The following KDM4C variants were observed in gnomAD, a reference collection of about 807,000 sequenced individuals.
The protein encoded by KDM4C is lysine demethylase 4C, also known as lysine-specific demethylase 4C.
Under a neutral mutation model 129.3 loss-of-function variants are expected in KDM4C, and 81 were observed. The ratio of observed to expected loss-of-function variants is 0.63; its 90% CI spans 0.52 to 0.75. The LOEUF (loss-of-function observed/expected upper bound fraction) is 0.75, where lower values mean the gene tolerates loss of function less well. KDM4C is among the 30% of genes least tolerant of loss of function. The pLI, the probability that KDM4C is intolerant of heterozygous loss-of-function variation, is 0.00. For missense variants in KDM4C, 1,457 were observed against 1,304.0 expected (o/e 1.12, Z -1.81); for synonymous variants, 573 against 456.1 (o/e 1.26, Z -3.26).
At chr9:6,991,151 T>G (rs1173595899) in intron 12 of KDM4C, among the ~76,000 whole-genome samples, 1 of 152,112 alleles carries the variant, frequency 6.6e-6, no homozygotes, top group Non-Finnish European at 1.5e-5. Flanking sequence ...TGATCACGGC[T>G]CACTGCAGCC....
intron 17 of KDM4C, among the ~76,000 whole-genome samples, chr9:7,095,912 A>G (rs1401248054): frequency 6.6e-6 from 1 of 152,236 alleles, no homozygotes; most frequent in Non-Finnish European, 1.5e-5. Flanking sequence ...CAAATAATGG[A>G]ATTTCCTTTA....
intron 8 of KDM4C, among the ~76,000 whole-genome samples, chr9:6,909,598 C>T (rs1482947778): frequency 6.6e-6 from 1 of 151,916 alleles, no homozygotes; most frequent in East Asian, 1.9e-4. Context: ...GAATACTCTC[C>T]AGTTTGTATT....
intron 2 of KDM4C, among the ~76,000 whole-genome samples, chr9:6,793,650 C>T (rs1016866286): frequency 2.6e-5 from 4 of 151,762 alleles, no homozygotes; most frequent in African/African-American, 9.7e-5. Context: ...AGTGATTCTC[C>T]TGCCTCAGCC....
chr9:7,153,032 T>C (rs1842856771), intron 19 of KDM4C, among the ~76,000 whole-genome samples: 2 of 152,216 alleles, frequency 1.3e-5, no homozygotes, highest in African/African-American at 4.8e-5. Flanking sequence ...TTTTTTCCTA[T>C]CTTTAAGAAA....
At position 6,984,457 on chromosome 9, in the gene KDM4C, C is replaced by G. The variant is rs73639444; in HGVS notation, c.1354+53C>G. ...ATATAAGTAGTAGGTGGTTGATGATCAGATGTCTTAAATGGATGTTCACTA... is the reference window on the plus strand; with the variant it reads ...ATATAAGTAGTAGGTGGTTGATGATGAGATGTCTTAAATGGATGTTCACTA... On this transcript the variant is annotated intron_variant, in intron 10 of 21. Coordinates refer to ENST00000381309, the MANE Select transcript of KDM4C (RefSeq NM_015061.6). The G allele has an allele frequency of 1.1e-5, 13 of 1,168,718 alleles. No individual in the cohort carries two copies. The African/African-American group carries it at 1.8e-4, about 16-fold the overall frequency. The allele number at this position is 1,168,718 out of a possible 1,614,324, so 72.4% of individuals were successfully genotyped here. A position where few individuals can be genotyped will look rare whatever the true frequency, so the allele number is the denominator to read the frequency against.
chr9:6,792,947 G>C (rs1162064762), intron 1 of KDM4C, 25 bp from the exon 2 acceptor site: 3 of 1,611,990 alleles, frequency 1.9e-6, no homozygotes, highest in Non-Finnish European at 2.5e-6. Flanking sequence ...ATTCAGTTCT[G>C]TTGACCCTAC....
chr9:6,841,396 T>C (rs747411501), intron 4 of KDM4C, among the ~76,000 whole-genome samples: 2 of 152,148 alleles, frequency 1.3e-5, no homozygotes, highest in African/African-American at 2.4e-5. Context: ...TGTGAAGATA[T>C]GGAAAGACTT....
chr9:6,816,080 C>T (rs950323923), intron 4 of KDM4C, among the ~76,000 whole-genome samples: 2 of 152,106 alleles, frequency 1.3e-5, no homozygotes, highest in African/African-American at 4.8e-5. Flanking sequence ...TTTAAGGATT[C>T]AGTCAAGGAT....
intron 4 of KDM4C, among the ~76,000 whole-genome samples, chr9:6,817,726 T>C (rs1219243781): frequency 4.7e-5 from 7 of 147,712 alleles, no homozygotes; most frequent in African/African-American, 1.7e-4. Context: ...AAGAAGAGAA[T>C]AAAAAATTGC....
At chr9:6,721,196 T>C (rs1816936229) in intron 1 of KDM4C, 1 of 409,934 alleles carries the variant, frequency 2.4e-6, no homozygotes, top group Admixed American at 3.9e-5. Flanking sequence ...ACCCCAGTCT[T>C]CCCAGTAGCT....
At chr9:6,760,602 A>T (rs1819261647) in intron 1 of KDM4C, among the ~76,000 whole-genome samples, 1 of 150,914 alleles carries the variant, frequency 6.6e-6, no homozygotes, top group South Asian at 2.1e-4. Flanking sequence ...ACGAAGTCTC[A>T]CTCTGTTGCC....
intron 4 of KDM4C, among the ~76,000 whole-genome samples, chr9:6,823,535 A>T (rs1170928022): frequency 6.6e-6 from 1 of 152,080 alleles, no homozygotes; most frequent in African/African-American, 2.4e-5. Context: ...GCTATCTCAC[A>T]CTGTTGTTGG....
chr9:6,877,693 G>A lies in KDM4C; in HGVS notation c.630-2319G>A, dbSNP rs1391184795. Among the ~76,000 whole-genome samples the A allele has an allele frequency of 2.0e-5, 3 of 152,198 alleles. No homozygotes were observed. The South Asian group carries it at 6.2e-4, about 32-fold the overall frequency. On this transcript the variant is annotated intron_variant, in intron 5 of 21. Transcript: ENST00000381309. ...TATTGCTTCTTGACTGCTGAGTGGG[G>A]TAGTGCTCTGATTTTATTGTTCATG... is the stretch of plus-strand genomic sequence containing the variant.
intron 18 of KDM4C, chr9:7,104,258 T>C: frequency 5.2e-6 from 1 of 191,400 alleles, no homozygotes; most frequent in Non-Finnish European, 1.1e-5. Context: ...CCTGAGATTA[T>C]GTAGTGAACA....
chr9:6,919,042 G>A (rs1260468895), intron 8 of KDM4C, among the ~76,000 whole-genome samples: 1 of 151,998 alleles, frequency 6.6e-6, no homozygotes, highest in Non-Finnish European at 1.5e-5. Context: ...TAGTAGAGAT[G>A]GGGTTTCACC....
At chr9:6,917,887 T>C (rs943022703) in intron 8 of KDM4C, among the ~76,000 whole-genome samples, 1 of 152,216 alleles carries the variant, frequency 6.6e-6, no homozygotes, top group African/African-American at 2.4e-5. Flanking sequence ...CTCTTGCAAC[T>C]TGAAGACCAT....
At chr9:7,017,298 CT>C (rs1243117128) in intron 15 of KDM4C, among the ~76,000 whole-genome samples, 4 of 152,148 alleles carry the variant, frequency 2.6e-5, no homozygotes, top group Admixed American at 2.6e-4. Flanking sequence ...TACATTTATA[CT>C]TTAATACATT....
chr9:6,777,121 G>T (rs899776363), intron 1 of KDM4C, among the ~76,000 whole-genome samples: 2 of 152,162 alleles, frequency 1.3e-5, no homozygotes, highest in Non-Finnish European at 2.9e-5. Flanking sequence ...GTAGTCAGTT[G>T]TCTAATCTGT....
At chr9:7,057,928 G>A (rs2132652166) in intron 17 of KDM4C, among the ~76,000 whole-genome samples, 1 of 152,296 alleles carries the variant, frequency 6.6e-6, no homozygotes, top group African/African-American at 2.4e-5. Context: ...GTTGAAAAGC[G>A]ATCTTGTTCA....
Sources: gnomAD v4.1 joint callset for allele counts (sites outside exome capture counted in the v4.1 genomes callset) on GRCh38, gnomAD v4.1.1 for gene constraint, MANE v1.5 for transcripts, NCBI Gene and HGNC (gene_info 2026-07-23, HGNC 2026-07-21) for gene names.